LIPG: variants seen among roughly 807,000 people sequenced by gnomAD.
LIPG encodes lipase G, endothelial type.
A neutral mutation model predicts 51.8 loss-of-function variants in LIPG; 34 were observed. The ratio of observed to expected loss-of-function variants is 0.66; its 90% CI spans 0.50 to 0.87. The LOEUF (loss-of-function observed/expected upper bound fraction) is 0.87. Ranked by LOEUF, LIPG falls within the 40% of genes least tolerant of loss-of-function variation. LIPG has a pLI of 0.00. For synonymous variants in LIPG, 246 were observed against 246.1 expected, an observed-to-expected ratio of 1.00 and a Z score of 0.00; for missense variants, 580 against 652.7, an observed-to-expected ratio of 0.89 and a Z score of 1.21.
At chr18:49,577,950 G>A (rs2084744288) in intron 5 of LIPG, among the ~76,000 whole-genome samples, 1 of 124,826 alleles carries the variant, frequency 8.0e-6, no homozygotes, top group African/African-American at 3.3e-5. Flanking sequence ...CTCCTGGACG[G>A]GGCGGCTGGC....
intron 1 of LIPG, among the ~76,000 whole-genome samples, chr18:49,562,738 T>A (rs1299712295): frequency 6.6e-6 from 1 of 152,044 alleles, no homozygotes; most frequent in Non-Finnish European, 1.5e-5. Context: ...TGAAACCTTG[T>A]CCTCATGCCT....
intron 9 of LIPG, 183 bp from the exon 10 acceptor site, chr18:49,590,318 T>G (rs895536501): frequency 9.2e-5 from 64 of 693,162 alleles, no homozygotes; most frequent in Middle Eastern, 3.5e-4. Context: ...GCTTGTCAGG[T>G]TAGGGAGAGA....
At chr18:49,561,723 G>A (rs2084551398), upstream of LIPG, 7 of 1,244,132 alleles carry the variant, frequency 5.6e-6, no homozygotes, top group Non-Finnish European at 7.0e-6. Flanking sequence ...CCCAGCGGAC[G>A]CAGAGTTTCA....
chr18:49,584,183 A>G (rs1034135289), intron 8 of LIPG, among the ~76,000 whole-genome samples: 8 of 152,186 alleles, frequency 5.3e-5, no homozygotes, highest in Non-Finnish European at 1.0e-4. Context: ...TATCACTTCC[A>G]GAGAGCCCCC....
intron 4 of LIPG, among the ~76,000 whole-genome samples, chr18:49,570,443 AC>A (rs1169520491): frequency 6.6e-6 from 1 of 152,136 alleles, no homozygotes; most frequent in East Asian, 1.9e-4. Context: ...ATTTAAAATT[AC>A]CCCTAGCTTC....
rs146842450 is a variant in LIPG, at chr18:49,594,940, A to G, written c.*4418A>G. On this transcript the variant is annotated 3_prime_UTR_variant, in exon 10 of 10. Coordinates refer to ENST00000261292, the MANE Select transcript of LIPG (RefSeq NM_006033.4). ...TCCCAAAGGAAGAGTCATAGCCTGG[A>G]TGACTGCAAGTGCCTTCTTTGGCTT... 6.6e-6 allele frequency: 1 copy of G among 152,370 alleles called. No homozygotes were observed. The highest frequency in any genetic ancestry group is 1.9e-4 in the East Asian group (1 of 5,184). 9.4% of individuals were successfully genotyped at this position (152,370 alleles called of 1,614,324 possible).
chr18:49,562,462 G>A (rs2084561271), intron 1 of LIPG, 57 bp downstream of exon 1: 3 of 1,441,506 alleles, frequency 2.1e-6, no homozygotes, highest in Admixed American at 1.7e-5. Context: ...GGTCCCCTCT[G>A]TCTTGCTGAT....
intron 5 of LIPG, among the ~76,000 whole-genome samples, chr18:49,576,362 TTTTTA>T (rs1421413532): frequency 6.6e-6 from 1 of 151,844 alleles, no homozygotes; most frequent in African/African-American, 2.4e-5. Context: ...TGCAACTTTA[TTTTTA>T]TTTTAATTTT....
chr18:49,579,792 T>TCCTCCCCTCCC (rs1568533574), intron 5 of LIPG, among the ~76,000 whole-genome samples: 1 of 139,742 alleles, frequency 7.2e-6, no homozygotes, highest in African/African-American at 3.1e-5. Context: ...TCTTTTCTTT[T>TCCTCCCCTCCC]CTTTTCTTTT....
intron 5 of LIPG, among the ~76,000 whole-genome samples, chr18:49,577,760 T>C (rs1390478015): frequency 2.5e-5 from 2 of 80,468 alleles, no homozygotes; most frequent in East Asian, 3.3e-4. Context: ...CCCCCCCACC[T>C]CCCTCCCGGA....
At position 49,562,308 on chromosome 18, in the gene LIPG, G is replaced by A; in HGVS notation, c.-1G>A. The stretch of plus-strand genomic sequence containing the variant: ...CTTGGGAGGGGGTGTGGCGGGGCAG[G>A]ATGAGCAACTCCGTTCCTCTGCTCT... On this transcript the variant is annotated 5_prime_UTR_variant, in exon 1 of 10. Transcript: ENST00000261292. 6.2e-7 allele frequency: 1 copy of A among 1,612,344 alleles called. No homozygotes were observed. The highest frequency in any genetic ancestry group is 8.5e-7 in the Non-Finnish European group (1 of 1,179,930).
chr18:49,573,844 G>A (rs2084688380), intron 4 of LIPG, among the ~76,000 whole-genome samples: 1 of 152,100 alleles, frequency 6.6e-6, no homozygotes, highest in Admixed American at 6.6e-5. Flanking sequence ...CCCAGCCTTG[G>A]TGTTTCGAGG....
At chr18:49,566,626 G>A (rs2084609171) in intron 2 of LIPG, among the ~76,000 whole-genome samples, 1 of 152,158 alleles carries the variant, frequency 6.6e-6, no homozygotes, top group Non-Finnish European at 1.5e-5. Context: ...GGATTCCGGG[G>A]ACAGATTTTC....
rs763116943 is a variant in LIPG, at chr18:49,597,725, C to T, written c.*7203C>T. 1.3e-5 allele frequency: 2 copies of T among 152,168 alleles called. No individual in the cohort carries two copies. Among genetic ancestry groups the T allele is most frequent in the Non-Finnish European group, 2.9e-5 (2 of 68,054 alleles). 9.4% of individuals were successfully genotyped at this position (152,168 alleles called of 1,614,324 possible). Reference sequence around the variant, plus strand: ...CATTTGCTAATTATCTCAGCCCAGACGAGTCTGCACGCTATGTGGTTTAAT... The same window carrying T: ...CATTTGCTAATTATCTCAGCCCAGATGAGTCTGCACGCTATGTGGTTTAAT... On this transcript the variant is annotated 3_prime_UTR_variant, in exon 10 of 10. Transcript: ENST00000261292.
At chr18:49,572,400 C>T (rs960574382) in intron 4 of LIPG, among the ~76,000 whole-genome samples, 1 of 152,012 alleles carries the variant, frequency 6.6e-6, no homozygotes, top group Non-Finnish European at 1.5e-5. Context: ...TATCTCTGAA[C>T]CACATAGCAA....
rs540552068 is a variant in LIPG, at chr18:49,590,687, G to A, written c.*165G>A. The A allele has an allele frequency of 4.5e-5, 33 of 731,088 alleles. No individual in the cohort carries two copies. Among genetic ancestry groups the A allele is most frequent in the South Asian group, 2.9e-4 (19 of 65,160 alleles). The allele number at this position is 731,088 out of a possible 1,614,324, so 45.3% of individuals were successfully genotyped here. On this transcript the variant is annotated 3_prime_UTR_variant, in exon 10 of 10. Transcript: ENST00000261292. Reference sequence around the variant, plus strand: ...TCCTGTGATGGCTGGGACTCCTCGCGGGAGGGGACTGCGCTGCTATAGCTC... The same window carrying A: ...TCCTGTGATGGCTGGGACTCCTCGCAGGAGGGGACTGCGCTGCTATAGCTC...
intron 2 of LIPG, 86 bp from the exon 3 acceptor site, chr18:49,567,356 G>T: frequency 2.9e-6 from 4 of 1,382,642 alleles, no homozygotes; most frequent in South Asian, 2.6e-5. Flanking sequence ...AAATTAATTG[G>T]GAAGAGGGTC....
chr18:49,592,840 C>T lies in LIPG; in HGVS notation c.*2318C>T, dbSNP rs1450165889. On this transcript the variant is annotated 3_prime_UTR_variant, in exon 10 of 10. Transcript: ENST00000261292. ...ATAAAAAAATATGGTTAGTGTTTAC[C>T]TAAGGTTAACCAATTTCAAGATTAA... The T allele has an allele frequency of 1.3e-5, 2 of 150,630 alleles. No homozygotes were observed. The highest frequency in any genetic ancestry group is 2.9e-5 in the Non-Finnish European group (2 of 67,850). 9.3% of individuals were successfully genotyped at this position (150,630 alleles called of 1,614,324 possible). A position where few individuals can be genotyped will look rare whatever the true frequency, so the allele number is the denominator to read the frequency against.
chr18:49,597,831 G>GT lies in LIPG; in HGVS notation c.*7309_*7310insT, dbSNP rs2084990661. The GT allele has an allele frequency of 2.6e-5, 4 of 152,264 alleles. No homozygotes were observed. The highest frequency in any genetic ancestry group is 5.9e-5 in the Non-Finnish European group (4 of 68,076). 9.4% of individuals were successfully genotyped at this position (152,264 alleles called of 1,614,324 possible). The stretch of plus-strand genomic sequence containing the variant: ...CAATGGACAGATGCCATATGAGAAA[G>GT]GGCTGAGGCCAGGAACAGAGGCAGG... On this transcript the variant is annotated 3_prime_UTR_variant, in exon 10 of 10. Transcript: ENST00000261292.
Sources: allele counts gnomAD v4.1 joint callset (sites outside exome capture counted in the v4.1 genomes callset), GRCh38; gene constraint gnomAD v4.1.1; transcripts MANE v1.5; gene names NCBI Gene and HGNC (gene_info 2026-07-23, HGNC 2026-07-21).